The following YPEL1 variants were observed in gnomAD, a reference collection of about 807,000 sequenced individuals.
YPEL1 encodes the protein protein yippee-like 1.
Under a neutral mutation model 17.3 loss-of-function variants are expected in YPEL1, and 7 were observed. That is an observed-to-expected ratio of 0.40 (90% CI 0.23 to 0.76). YPEL1 has a LOEUF of 0.76. Among genes scored for constraint, YPEL1 ranks in the 30% least tolerant of loss-of-function variants. YPEL1 has a pLI of 0.35. For missense variants in YPEL1, 91 were observed against 155.5 expected (o/e 0.59, Z 2.21); for synonymous variants, 59 against 59.6 (o/e 0.99, Z 0.05).
At chr22:21,724,142 G>A (rs2068310271) in intron 1 of YPEL1, among the ~76,000 whole-genome samples, 1 of 152,184 alleles carries the variant, frequency 6.6e-6, no homozygotes, top group Admixed American at 6.5e-5. Context: ...CACAGCAGCA[G>A]TTCCTCTTGA....
In YPEL1 at chr22:21,697,996, A is replaced by G. The variant is rs2068004440; in HGVS notation, c.*3133T>C. ...TACTGTGTGTATAAAACAATGCCAAACCACATTCCTACAGCAAATGCACTG... is the reference window on the plus strand; with the variant it reads ...TACTGTGTGTATAAAACAATGCCAAGCCACATTCCTACAGCAAATGCACTG... On this transcript the variant is annotated 3_prime_UTR_variant, in exon 5 of 5. Coordinates refer to ENST00000339468, the MANE Select transcript of YPEL1 (RefSeq NM_013313.5). The G allele has an allele frequency of 6.6e-6, 1 of 152,268 alleles. No individual in the cohort carries two copies. Among genetic ancestry groups the G allele is most frequent in the Admixed American group, 6.5e-5 (1 of 15,270 alleles). The allele number at this position is 152,268 out of a possible 1,614,324, so 9.4% of individuals were successfully genotyped here.
intron 2 of YPEL1, among the ~76,000 whole-genome samples, chr22:21,707,320 G>A (rs1341375631): frequency 6.6e-6 from 1 of 152,146 alleles, no homozygotes; most frequent in Admixed American, 6.6e-5. Context: ...AGAAGGCTGA[G>A]ACAGAAGACT....
intron 1 of YPEL1, among the ~76,000 whole-genome samples, chr22:21,713,519 G>A (rs1202852464): frequency 1.3e-5 from 2 of 152,120 alleles, no homozygotes; most frequent in Non-Finnish European, 2.9e-5. Context: ...AGTCACAAAG[G>A]ACAAATATTG....
chr22:21,728,958 C>T (rs2068361999), intron 1 of YPEL1, among the ~76,000 whole-genome samples: 1 of 152,170 alleles, frequency 6.6e-6, no homozygotes, highest in Admixed American at 6.5e-5. Flanking sequence ...GCCTGGCCAA[C>T]ATGGTGAAAC....
chr22:21,706,461 T>C (rs1275454863), intron 2 of YPEL1, among the ~76,000 whole-genome samples: 2 of 149,888 alleles, frequency 1.3e-5, no homozygotes, highest in Non-Finnish European at 3.0e-5. Context: ...GAAAAAAAAA[T>C]TTAACCTGGA....
chr22:21,698,056 T>G lies in YPEL1; in HGVS notation c.*3073A>C, dbSNP rs2068006787. On this transcript the variant is annotated 3_prime_UTR_variant, in exon 5 of 5. Transcript: ENST00000339468. ...TAACCCTGACATCACCTCCCAAGGC[T>G]CTCAAGGAAGATTTATTTTAAATAA... The G allele has an allele frequency of 6.6e-6, 1 of 152,232 alleles. No individual in the cohort carries two copies. The highest frequency in any genetic ancestry group is 1.5e-5 in the Non-Finnish European group (1 of 68,024). 9.4% of individuals were successfully genotyped at this position (152,232 alleles called of 1,614,324 possible).
intron 1 of YPEL1, among the ~76,000 whole-genome samples, chr22:21,714,138 C>T (rs563972665): frequency 1.8e-4 from 27 of 152,226 alleles, no homozygotes; most frequent in Non-Finnish European, 2.8e-4. Context: ...CCCCCACCTG[C>T]GCAGGCACGC....
At position 21,703,792 on chromosome 22, in the gene YPEL1, G is replaced by A. The variant is rs765332348; in HGVS notation, c.161+47C>T. 26 of 1,596,930 alleles carry A rather than the reference G, an allele frequency of 1.6e-5. No individual in the cohort carries two copies. Among genetic ancestry groups the A allele is most frequent in the Middle Eastern group, 1.7e-4 (1 of 6,054 alleles). On this transcript the variant is annotated intron_variant, in intron 3 of 4. Coordinates refer to ENST00000339468, the MANE Select transcript of YPEL1 (RefSeq NM_013313.5). This position sits in a 1 kb window ranked among gnomAD's most constrained non-coding sequence, Gnocchi z 6.1. ...GCACTGTGTAGGTGCCATCCAGGCC[G>A]TCCCAGGGCCCGTGCCGCTCCCCCC...
chr22:21,722,219 C>T (rs2068290357), intron 1 of YPEL1, among the ~76,000 whole-genome samples: 1 of 152,166 alleles, frequency 6.6e-6, no homozygotes, highest in African/African-American at 2.4e-5. Context: ...GAGTTCAAGA[C>T]CAGCCTGGCC....
chr22:21,711,208 A>G (rs1266843264), intron 1 of YPEL1, among the ~76,000 whole-genome samples: 1 of 152,128 alleles, frequency 6.6e-6, no homozygotes, highest in Admixed American at 6.6e-5. Context: ...CTGGGATTAC[A>G]AGCACCACTG....
chr22:21,713,612 T>C (rs1043153561), intron 1 of YPEL1, among the ~76,000 whole-genome samples: 69 of 152,244 alleles, frequency 4.5e-4, no homozygotes, highest in South Asian at 1.0e-3. Flanking sequence ...GGTGCAGTGT[T>C]TCAGTTTTGC....
At chr22:21,734,777 T>C (rs559623672) in intron 1 of YPEL1, among the ~76,000 whole-genome samples, 1 of 152,252 alleles carries the variant, frequency 6.6e-6, no homozygotes, top group East Asian at 1.9e-4. Context: ...GTGAGGTGCC[T>C]GGAAAGTCTC....
At position 21,734,365 on chromosome 22, in the gene YPEL1, A is replaced by C. The variant is rs528364291; in HGVS notation, c.-165+1250T>G. ...CACAGCAGTGTAGGATGGGGTAAGG[A>C]TAGGGAGCACTGGGTGTAGGATATA... On this transcript the variant is annotated intron_variant, in intron 1 of 4. Transcript: ENST00000339468. Among the ~76,000 whole-genome samples, 59 of 152,318 alleles carry C rather than the reference A, an allele frequency of 3.9e-4. 1 individual carries two copies. Among genetic ancestry groups the C allele is most frequent in the African/African-American group, 1.2e-3 (49 of 41,552 alleles).
intron 1 of YPEL1, among the ~76,000 whole-genome samples, chr22:21,735,171 T>G (rs2068424247): frequency 6.6e-6 from 1 of 152,182 alleles, no homozygotes. Context: ...ACGCTCCATT[T>G]TAGTCATGAT....
chr22:21,725,280 T>C (rs1165585454), intron 1 of YPEL1, among the ~76,000 whole-genome samples: 3 of 149,310 alleles, frequency 2.0e-5, no homozygotes, highest in African/African-American at 7.4e-5. Flanking sequence ...AGTGCAGTGG[T>C]GCAATCTCGG....
At position 21,703,495 on chromosome 22, in the gene YPEL1, G is replaced by C. The variant is rs375164386; in HGVS notation, c.162-17C>G. ...ACGTTCACCCTGCGGGGACAGAGGG[G>C]CCACTGCGCTGCAGGCCCGGCCCGC... is the stretch of plus-strand genomic sequence containing the variant. On this transcript the variant is annotated splice_polypyrimidine_tract_variant and intron_variant, in intron 3 of 4. Transcript: ENST00000339468. The surrounding 1 kb of genome is among the most constrained non-coding windows in gnomAD (Gnocchi z 6.1). 3 of 1,600,880 alleles carry C rather than the reference G, an allele frequency of 1.9e-6. No individual in the cohort carries two copies. The South Asian group carries it at 3.3e-5, about 18-fold the overall frequency.
intron 1 of YPEL1, among the ~76,000 whole-genome samples, chr22:21,715,640 G>A (rs1255729225): frequency 2.6e-5 from 4 of 151,424 alleles, no homozygotes; most frequent in Non-Finnish European, 5.9e-5. Flanking sequence ...GGAGTGCGAT[G>A]GCACCATCTG....
At chr22:21,706,645 A>C (rs2068118820) in intron 2 of YPEL1, among the ~76,000 whole-genome samples, 1 of 152,028 alleles carries the variant, frequency 6.6e-6, no homozygotes, top group Admixed American at 6.6e-5. Context: ...CAGGAGTTCA[A>C]GACCAGGCTA....
intron 1 of YPEL1, among the ~76,000 whole-genome samples, chr22:21,718,687 CA>C (rs1262529511): frequency 6.6e-6 from 1 of 152,012 alleles, no homozygotes; most frequent in Non-Finnish European, 1.5e-5. Context: ...ATTTCATTAA[CA>C]AAATCAACAG....
Sources: gnomAD v4.1 joint callset for allele counts (sites outside exome capture counted in the v4.1 genomes callset) on GRCh38, gnomAD v4.1.1 for gene constraint, Gnocchi (gnomAD v3.1) non-coding constraint, MANE v1.5 for transcripts, NCBI Gene and HGNC (gene_info 2026-07-23, HGNC 2026-07-21) for gene names.